JPH1: variants seen among roughly 807,000 people sequenced by gnomAD.
JPH1 encodes the protein junctophilin-1.
Under a neutral mutation model 53.6 loss-of-function variants are expected in JPH1, and 12 were observed. The observed-to-expected ratio is 0.22, with a 90% CI of 0.14 to 0.36. The LOEUF (loss-of-function observed/expected upper bound fraction) is 0.36, where lower values mean the gene tolerates loss of function less well. JPH1 is among the 10% of genes least tolerant of loss of function. The pLI is 1.00. For missense variants in JPH1, 808 were observed against 905.5 expected (o/e 0.89, Z 1.38); for synonymous variants, 375 against 363.8 (o/e 1.03, Z -0.35).
At position 74,315,474 on chromosome 8, in the gene JPH1, G is replaced by T. The variant is rs369016800; in HGVS notation, c.526C>A (p.Leu176Ile). 50 of 1,607,630 alleles carry T rather than the reference G, an allele frequency of 3.1e-5. No individual in the cohort carries two copies. Among genetic ancestry groups the T allele is most frequent in the Non-Finnish European group, 4.0e-5 (47 of 1,177,712 alleles). ...TCGGCGGCGGCTGCGGCGTCGTGGA[G>T]CACGCTGCCATTGCTCTGCTCGCTG... ...LRSEQSNGSV[L>I]HDAAAAADSP... Residue 176 changes from leucine (L) to isoleucine (I), a missense_variant, in exon 2 of 6, where the codon CTC (leucine) becomes ATC (isoleucine). Physicochemically the swap from Leu to Ile is conservative, Grantham distance 5 (BLOSUM62 2). This residue lies in a region of JPH1 where 756 missense variants were observed against 811.9 expected (regional missense o/e 0.93). Transcript: ENST00000342232. The surrounding 1 kb of genome is among the most constrained non-coding windows in gnomAD (Gnocchi z 6.3).
chr8:74,293,164 A>G lies in JPH1; in HGVS notation c.1139+21697T>C, dbSNP rs146360639. 4.1e-3 allele frequency among the ~76,000 whole-genome samples: 618 copies of G among 152,314 alleles called. 3 individuals carry two copies. The highest frequency in any genetic ancestry group is 6.8e-3 in the Non-Finnish European group (461 of 68,018). On this transcript the variant is annotated intron_variant, in intron 2 of 5. Coordinates refer to ENST00000342232, the MANE Select transcript of JPH1 (RefSeq NM_020647.4). Reference sequence around the variant, plus strand: ...ATCTTTCTCAGAGACCTGAGAGCCAATGAACTTCTACTACTAATCTAGTAA... The same window carrying G: ...ATCTTTCTCAGAGACCTGAGAGCCAGTGAACTTCTACTACTAATCTAGTAA...
chr8:74,263,482 TA>T (rs1806450542), intron 2 of JPH1, among the ~76,000 whole-genome samples: 1 of 152,184 alleles, frequency 6.6e-6, no homozygotes, highest in Non-Finnish European at 1.5e-5. Flanking sequence ...AATTGGCACA[TA>T]AAAACCCAAG....
chr8:74,302,621 G>T (rs1807715367), intron 2 of JPH1, among the ~76,000 whole-genome samples: 1 of 152,118 alleles, frequency 6.6e-6, no homozygotes, highest in African/African-American at 2.4e-5. Flanking sequence ...GCAAGGAGGG[G>T]GACATGGGAG....
At chr8:74,297,851 C>T (rs1246313376) in intron 2 of JPH1, among the ~76,000 whole-genome samples, 1 of 152,058 alleles carries the variant, frequency 6.6e-6, no homozygotes, top group Non-Finnish European at 1.5e-5. Flanking sequence ...ACTCTTATTA[C>T]CCCTTAAATA....
At chr8:74,285,397 A>C (rs764574732) in intron 2 of JPH1, among the ~76,000 whole-genome samples, 4 of 152,080 alleles carry the variant, frequency 2.6e-5, no homozygotes, top group Non-Finnish European at 5.9e-5. Flanking sequence ...TTCTAGAATG[A>C]GGAAGCTCTT....
At chr8:74,252,038 C>A (rs2131384646) in intron 3 of JPH1, among the ~76,000 whole-genome samples, 1 of 152,304 alleles carries the variant, frequency 6.6e-6, no homozygotes, top group Non-Finnish European at 1.5e-5. Context: ...ACTATCTGAT[C>A]TTTGACAAAC....
chr8:74,292,838 T>C (rs1439662877), intron 2 of JPH1, among the ~76,000 whole-genome samples: 1 of 152,190 alleles, frequency 6.6e-6, no homozygotes, highest in Non-Finnish European at 1.5e-5. Flanking sequence ...TCAAGTCCTG[T>C]TTAGCAAGGC....
At chr8:74,248,421 T>G (rs10090211) in intron 3 of JPH1, among the ~76,000 whole-genome samples, 7,876 of 152,320 alleles carry the variant, frequency 0.052, 645 homozygotes, top group African/African-American at 0.17. Context: ...TATGGCCAGA[T>G]ATTTTAATAA....
At position 74,259,412 on chromosome 8, in the gene JPH1, C is replaced by T; in HGVS notation, c.1231G>A (p.Glu411Lys). The change falls in exon 3 of 6, where the codon GAG becomes AAG. Residue 411 changes from glutamate (E) to lysine (K), a missense_variant. Glu to Lys is a moderately conservative substitution (Grantham distance 56). Transcript: ENST00000342232. ...ECDIARAVAR[E>K]LSPDFYQPGP... Reference sequence around the variant, plus strand: ...GGTTGGTAGAAATCAGGTGACAGCTCCCTGGCCACAGCTCTCGCGATGTCG... The same window carrying T: ...GGTTGGTAGAAATCAGGTGACAGCTTCCTGGCCACAGCTCTCGCGATGTCG... The T allele has an allele frequency of 6.2e-7, 1 of 1,613,916 alleles. No homozygotes were observed. Among genetic ancestry groups the T allele is most frequent in the Non-Finnish European group, 8.5e-7 (1 of 1,179,862 alleles).
intron 2 of JPH1, among the ~76,000 whole-genome samples, chr8:74,296,343 T>C (rs953552411): frequency 3.3e-5 from 5 of 152,224 alleles, no homozygotes; most frequent in Non-Finnish European, 5.9e-5. Context: ...GCAAACATTT[T>C]ATTCTGGGTA....
intron 2 of JPH1, among the ~76,000 whole-genome samples, chr8:74,310,594 A>G (rs1807964818): frequency 6.6e-6 from 1 of 152,188 alleles, no homozygotes. Context: ...GCCCATAATA[A>G]GCCTTCTGAA....
chr8:74,284,418 C>T (rs767937725), intron 2 of JPH1, among the ~76,000 whole-genome samples: 2 of 152,050 alleles, frequency 1.3e-5, no homozygotes, highest in East Asian at 1.9e-4. Context: ...TCCGGTCAAA[C>T]GCTGATAAGG....
At chr8:74,282,937 TTA>T (rs1246231210) in intron 2 of JPH1, among the ~76,000 whole-genome samples, 1 of 152,236 alleles carries the variant, frequency 6.6e-6, no homozygotes, top group Non-Finnish European at 1.5e-5. Context: ...ATATGTACAA[TTA>T]TATGTGTCAT....
At chr8:74,299,962 G>T (rs1381975609) in intron 2 of JPH1, among the ~76,000 whole-genome samples, 2 of 152,152 alleles carry the variant, frequency 1.3e-5, no homozygotes, top group Non-Finnish European at 2.9e-5. Flanking sequence ...AAAAAGAAAA[G>T]AAAACCTTCA....
chr8:74,301,900 T>C (rs1211061342), intron 2 of JPH1, among the ~76,000 whole-genome samples: 1 of 152,220 alleles, frequency 6.6e-6, no homozygotes, highest in Non-Finnish European at 1.5e-5. Flanking sequence ...CCCAGACAGA[T>C]CTTCTTTTAT....
rs547349115 is a variant in JPH1 at position 74,320,974 on chromosome 8, C to A, written c.314G>T (p.Arg105Leu). ...CCCGTTACTCCAGGTACCCTCGTAG[C>A]GAGCGGGGGTGCACAGGCTCTGCCG... ...GVRQSLCTPA[R>L]YEGTWSNGLQ... The change falls in exon 1 of 6, where the codon CGC (arginine) becomes CTC (leucine). Residue 105 changes from arginine (R) to leucine (L), a missense_variant. By Grantham distance (102) the Arg-to-Leu change is moderately radical. This residue lies in a region of JPH1 where 756 missense variants were observed against 811.9 expected (regional missense o/e 0.93). Transcript: ENST00000342232. This position sits in a 1 kb window ranked among gnomAD's most constrained non-coding sequence, Gnocchi z 4.4. 5 of 1,610,268 alleles carry A rather than the reference C, an allele frequency of 3.1e-6. No individual in the cohort carries two copies. The highest frequency in any genetic ancestry group is 1.1e-5 in the South Asian group (1 of 90,554).
intron 2 of JPH1, among the ~76,000 whole-genome samples, chr8:74,301,791 T>A (rs1283338167): frequency 6.6e-6 from 1 of 152,230 alleles, no homozygotes; most frequent in Non-Finnish European, 1.5e-5. Flanking sequence ...CCTTATCTTT[T>A]TATGATTGTT....
At chr8:74,257,637 A>G (rs1188670496) in intron 3 of JPH1, among the ~76,000 whole-genome samples, 1 of 152,140 alleles carries the variant, frequency 6.6e-6, no homozygotes, top group Non-Finnish European at 1.5e-5. Flanking sequence ...TTGCCAATAT[A>G]CGTAGGTACC....
chr8:74,254,009 T>C (rs375622404), intron 3 of JPH1, among the ~76,000 whole-genome samples: 8 of 152,084 alleles, frequency 5.3e-5, no homozygotes, highest in African/African-American at 7.2e-5. Context: ...TTCCAATCAA[T>C]AGAAAAAGAG....
Sources: gnomAD v4.1 joint callset for allele counts (sites outside exome capture counted in the v4.1 genomes callset) on GRCh38, gnomAD v4.1.1 for gene constraint, gnomAD v4.1.1 regional missense constraint, Gnocchi (gnomAD v3.1) non-coding constraint, MANE v1.5 for transcripts, NCBI Gene and HGNC (gene_info 2026-07-23, HGNC 2026-07-21) for gene names.